Variants in DTD1 observed in about 807,000 individuals in gnomAD.
DTD1 encodes D-tyrosyl-tRNA deacylase 1 homolog.
A neutral mutation model predicts 25.6 loss-of-function variants in DTD1; 13 were observed. The observed-to-expected ratio is 0.51, with a 90% confidence interval of 0.33 to 0.81. The LOEUF is 0.81. Ranked by LOEUF, DTD1 falls within the 30% of genes least tolerant of loss-of-function variation. The pLI, the probability that DTD1 is intolerant of heterozygous loss-of-function variation, is 0.02. For missense variants in DTD1, 193 were observed against 266.4 expected, an observed-to-expected ratio of 0.72 and a Z score of 1.92; for synonymous variants, 110 against 103.6, an observed-to-expected ratio of 1.06 and a Z score of -0.37.
intron 4 of DTD1, among the ~76,000 whole-genome samples, chr20:18,655,349 G>A (rs1270614850): frequency 6.6e-6 from 1 of 152,210 alleles, no homozygotes; most frequent in Non-Finnish European, 1.5e-5. Flanking sequence ...TACTAGGCCA[G>A]TTGCTTTATC....
chr20:18,717,918 A>G (rs564652541), intron 4 of DTD1, among the ~76,000 whole-genome samples: 101 of 152,324 alleles, frequency 6.6e-4, no homozygotes, highest in Middle Eastern at 3.4e-3. Flanking sequence ...GAAAAAAAAT[A>G]TGGTATTTAA....
chr20:18,683,302 C>T (rs988385916), intron 4 of DTD1, among the ~76,000 whole-genome samples: 3 of 152,178 alleles, frequency 2.0e-5, no homozygotes, highest in African/African-American at 7.2e-5. Flanking sequence ...CATATTTCTG[C>T]GTGACCATTT....
intron 4 of DTD1, among the ~76,000 whole-genome samples, chr20:18,720,614 G>A (rs919988313): frequency 6.6e-6 from 1 of 152,122 alleles, no homozygotes; most frequent in Non-Finnish European, 1.5e-5. Flanking sequence ...TAGCACTTTG[G>A]GAGGCTAAGG....
intron 4 of DTD1, among the ~76,000 whole-genome samples, chr20:18,725,793 T>G (rs2061220746): frequency 6.6e-6 from 1 of 152,180 alleles, no homozygotes; most frequent in African/African-American, 2.4e-5. Flanking sequence ...ATCCTCAGTT[T>G]CCTGGTTTTA....
intron 3 of DTD1, among the ~76,000 whole-genome samples, chr20:18,620,500 A>T (rs968475581): frequency 6.6e-6 from 1 of 152,244 alleles, no homozygotes; most frequent in African/African-American, 2.4e-5. Context: ...TTAATGCTGG[A>T]TGGAATATAT....
chr20:18,649,421 A>G (rs1456343846), intron 4 of DTD1, among the ~76,000 whole-genome samples: 1 of 135,960 alleles, frequency 7.4e-6, no homozygotes, highest in African/African-American at 2.8e-5. Flanking sequence ...TCACTGCAAC[A>G]TCCGCCTCCC....
chr20:18,673,743 G>C (rs1051990095), intron 4 of DTD1, among the ~76,000 whole-genome samples: 1 of 152,086 alleles, frequency 6.6e-6, no homozygotes, highest in Admixed American at 6.6e-5. Context: ...TGGCTGTGTG[G>C]GCCTAGAGTG....
chr20:18,640,074 A>G (rs900826491), intron 4 of DTD1, among the ~76,000 whole-genome samples: 1 of 147,468 alleles, frequency 6.8e-6, no homozygotes, highest in African/African-American at 2.5e-5. Flanking sequence ...TTTAAGTTTC[A>G]TGTTGTCCCT....
At chr20:18,735,929 G>T (rs2061253316) in intron 4 of DTD1, among the ~76,000 whole-genome samples, 1 of 152,072 alleles carries the variant, frequency 6.6e-6, no homozygotes, top group Non-Finnish European at 1.5e-5. Flanking sequence ...TGAAAAGTAT[G>T]CACAGACTCT....
At chr20:18,594,277 G>T (rs114030910) in intron 2 of DTD1, among the ~76,000 whole-genome samples, 2 of 152,152 alleles carry the variant, frequency 1.3e-5, no homozygotes, top group Non-Finnish European at 2.9e-5. Context: ...CTGAACCCCA[G>T]TTAGAGTCTG....
chr20:18,735,870 AC>A (rs1053099589), intron 4 of DTD1, among the ~76,000 whole-genome samples: 9 of 151,732 alleles, frequency 5.9e-5, no homozygotes, highest in African/African-American at 2.2e-4. Flanking sequence ...CCAGTGTCCA[AC>A]CCTTTGGATT....
At chr20:18,622,812 T>C (rs2122300211) in intron 3 of DTD1, among the ~76,000 whole-genome samples, 1 of 152,300 alleles carries the variant, frequency 6.6e-6, no homozygotes, top group South Asian at 2.1e-4. Context: ...AGTGATCTCT[T>C]TGGGCCGGCT....
At chr20:18,727,501 G>T (rs1441141487) in intron 4 of DTD1, among the ~76,000 whole-genome samples, 1 of 152,194 alleles carries the variant, frequency 6.6e-6, no homozygotes, top group Non-Finnish European at 1.5e-5. Flanking sequence ...TGAAGGAGAG[G>T]GCGGCCCTGG....
intron 3 of DTD1, among the ~76,000 whole-genome samples, chr20:18,618,864 C>T (rs2060721229): frequency 1.3e-5 from 2 of 151,926 alleles, no homozygotes; most frequent in South Asian, 2.1e-4. Flanking sequence ...AGGCACCTGC[C>T]ACCATGCCCA....
intron 4 of DTD1, among the ~76,000 whole-genome samples, chr20:18,741,672 A>G (rs1202279675): frequency 6.6e-6 from 1 of 152,136 alleles, no homozygotes; most frequent in Non-Finnish European, 1.5e-5. Flanking sequence ...AGCCTTCTGA[A>G]GCTAAATTTG....
chr20:18,613,149 C>T (rs1006667083), intron 3 of DTD1, among the ~76,000 whole-genome samples: 1 of 152,096 alleles, frequency 6.6e-6, no homozygotes, highest in African/African-American at 2.4e-5. Flanking sequence ...CCTGTTTCTG[C>T]TGGGGGAGAT....
intron 4 of DTD1, among the ~76,000 whole-genome samples, chr20:18,692,577 TG>T (rs2122439141): frequency 6.6e-6 from 1 of 152,294 alleles, no homozygotes; most frequent in African/African-American, 2.4e-5. Context: ...TGGCACTGAT[TG>T]AGTTGTTGCT....
chr20:18,676,962 G>T (rs1204778330), intron 4 of DTD1, among the ~76,000 whole-genome samples: 1 of 152,128 alleles, frequency 6.6e-6, no homozygotes, highest in Non-Finnish European at 1.5e-5. Context: ...CTTGCCGTGC[G>T]TTTCTCTTGT....
chr20:18,750,683 CTG>C (rs1330109931), intron 5 of DTD1, among the ~76,000 whole-genome samples: 1 of 152,186 alleles, frequency 6.6e-6, no homozygotes, highest in Admixed American at 6.5e-5. Flanking sequence ...TTTTTGTCCT[CTG>C]TCTCAATCCT....
Sources: allele counts gnomAD v4.1 joint callset (sites outside exome capture counted in the v4.1 genomes callset), GRCh38; gene constraint gnomAD v4.1.1; transcripts MANE v1.5; gene names NCBI Gene and HGNC (gene_info 2026-07-23, HGNC 2026-07-21).